The following AMBRA1 variants were observed in gnomAD, a reference collection of about 807,000 sequenced individuals.
AMBRA1 encodes autophagy and beclin 1 regulator 1.
AMBRA1 carries 47 observed loss-of-function variants against 125.4 expected under a neutral mutation model. The ratio of observed to expected loss-of-function variants is 0.37; its 90% CI spans 0.30 to 0.48. AMBRA1 has a LOEUF of 0.48. AMBRA1 is among the 20% of genes least tolerant of loss of function. The probability of loss-of-function intolerance (pLI) is 0.99; values close to 1 mark genes in which losing one functional copy is unlikely to be tolerated. For missense variants in AMBRA1, 1,331 were observed against 1,693.4 expected, an observed-to-expected ratio of 0.79 and a Z score of 3.76; for synonymous variants, 626 against 655.5, an observed-to-expected ratio of 0.95 and a Z score of 0.69.
At chr11:46,546,056 CAG>C (rs1394915623) in intron 4 of AMBRA1, 1 of 181,678 alleles carries the variant, frequency 5.5e-6, no homozygotes. Flanking sequence ...TTTTTTTTGA[CAG>C]GGGGTTTCAT....
chr11:46,570,116 G>A (rs180793305), intron 1 of AMBRA1, among the ~76,000 whole-genome samples: 93 of 152,002 alleles, frequency 6.1e-4, no homozygotes, highest in African/African-American at 2.1e-3. Context: ...TAAAAAAATA[G>A]CTGGGCATGG....
chr11:46,425,307 CATTTGTGTGTGT>C (rs1201431782), intron 14 of AMBRA1, among the ~76,000 whole-genome samples: 2,936 of 111,714 alleles, frequency 0.026, 106 homozygotes, highest in African/African-American at 0.096. Flanking sequence ...TTGCTTGATC[CATTTGTGTGTGT>C]GTGTGTGTGT....
intron 9 of AMBRA1, among the ~76,000 whole-genome samples, chr11:46,503,251 A>G (rs1434881329): frequency 6.6e-6 from 1 of 152,072 alleles, no homozygotes; most frequent in East Asian, 1.9e-4. Flanking sequence ...TACAGAGGTC[A>G]CTATAGGGAT....
At chr11:46,409,158 G>GA (rs1254137784) in intron 16 of AMBRA1, among the ~76,000 whole-genome samples, 1 of 151,850 alleles carries the variant, frequency 6.6e-6, no homozygotes, top group Non-Finnish European at 1.5e-5. Context: ...TTGAATTCTT[G>GA]AATTTGCAAG....
chr11:46,509,105 C>T (rs1332146615), intron 8 of AMBRA1, among the ~76,000 whole-genome samples: 2 of 152,202 alleles, frequency 1.3e-5, no homozygotes, highest in Non-Finnish European at 2.9e-5. Context: ...GCATCAGAGG[C>T]TGCGTGGGCA....
At chr11:46,500,312 G>A (rs1413329374) in intron 9 of AMBRA1, among the ~76,000 whole-genome samples, 2 of 152,112 alleles carry the variant, frequency 1.3e-5, no homozygotes, top group African/African-American at 4.8e-5. Flanking sequence ...AAAGTAAGAT[G>A]GCTGTGCTTT....
At chr11:46,534,516 G>A (rs1269824654) in intron 7 of AMBRA1, among the ~76,000 whole-genome samples, 1 of 152,068 alleles carries the variant, frequency 6.6e-6, no homozygotes, top group Non-Finnish European at 1.5e-5. Flanking sequence ...AAAATAAATA[G>A]CACCTGAAAT....
intron 1 of AMBRA1, among the ~76,000 whole-genome samples, chr11:46,578,882 C>CAAAAAAA (rs71042607): frequency 4.1e-5 from 1 of 24,454 alleles, no homozygotes; most frequent in African/African-American, 2.1e-4. Flanking sequence ...GACTCAGTCT[C>CAAAAAAA]AAAAAAAAAA....
chr11:46,417,705 C>T (rs1286681344), intron 15 of AMBRA1, among the ~76,000 whole-genome samples: 1 of 152,162 alleles, frequency 6.6e-6, no homozygotes, highest in Non-Finnish European at 1.5e-5. Flanking sequence ...AACATGATCA[C>T]TAAATCAGTC....
chr11:46,428,780 C>CT, intron 14 of AMBRA1: 1 of 1,611,314 alleles, frequency 6.2e-7, no homozygotes, highest in East Asian at 2.2e-5. Context: ...GTAGGTATCT[C>CT]TGTCAGCTTC....
intron 11 of AMBRA1, among the ~76,000 whole-genome samples, chr11:46,464,557 C>T (rs1949240567): frequency 6.6e-6 from 1 of 152,062 alleles, no homozygotes. Flanking sequence ...TAAAATTGTG[C>T]ATGTGTTCAT....
At chr11:46,506,700 T>C (rs1490729382) in intron 9 of AMBRA1, among the ~76,000 whole-genome samples, 1 of 152,130 alleles carries the variant, frequency 6.6e-6, no homozygotes, top group African/African-American at 2.4e-5. Flanking sequence ...ACCGCCCTTC[T>C]CTCTCTCTTG....
At chr11:46,581,751 G>A (rs1156609394) in intron 1 of AMBRA1, among the ~76,000 whole-genome samples, 1 of 136,868 alleles carries the variant, frequency 7.3e-6, no homozygotes, top group Non-Finnish European at 1.5e-5. Context: ...ACTGAGCCAA[G>A]ACCACACCAC....
intron 14 of AMBRA1, among the ~76,000 whole-genome samples, chr11:46,422,601 C>T (rs912261717): frequency 2.0e-5 from 3 of 151,918 alleles, no homozygotes; most frequent in Admixed American, 2.0e-4. Context: ...AGGAGGTCAG[C>T]GGGAAACCTT....
intron 11 of AMBRA1, among the ~76,000 whole-genome samples, chr11:46,444,072 A>G (rs925192992): frequency 6.6e-6 from 1 of 152,236 alleles, no homozygotes; most frequent in African/African-American, 2.4e-5. Context: ...TCTTCCTAAT[A>G]GGACATCTCA....
intron 1 of AMBRA1, among the ~76,000 whole-genome samples, chr11:46,549,294 G>A (rs1043193734): frequency 6.6e-6 from 1 of 152,176 alleles, no homozygotes; most frequent in Non-Finnish European, 1.5e-5. Flanking sequence ...CATATATACA[G>A]TGTTATCCAC....
intron 10 of AMBRA1, 141 bp downstream of exon 10, chr11:46,493,983 A>G: frequency 1.3e-6 from 1 of 781,000 alleles, no homozygotes; most frequent in Admixed American, 2.6e-5. Context: ...ATCCGTCAAG[A>G]GTTTAGACAG....
chr11:46,435,784 G>A (rs554260251), intron 12 of AMBRA1, among the ~76,000 whole-genome samples: 24 of 152,342 alleles, frequency 1.6e-4, no homozygotes, highest in Non-Finnish European at 3.1e-4. Context: ...TGGTAAGGTG[G>A]CAAGATCTGA....
At position 46,466,744 on chromosome 11, in the gene AMBRA1, T is replaced by C. The variant is rs182118317; in HGVS notation, c.2522-23146A>G. ...ATCAAAGTACTACCTACCCATAATT[T>C]TTAAAGTTAGAAAGTATTCAAGGCT... On this transcript the variant is annotated intron_variant, in intron 11 of 17. Transcript: ENST00000683756. 6.6e-5 allele frequency among the ~76,000 whole-genome samples: 10 copies of C among 152,254 alleles called. No homozygotes were observed. In the East Asian group the frequency reaches 1.5e-3, roughly 23 times the overall value.
Sources: gnomAD v4.1 joint callset for allele counts (sites outside exome capture counted in the v4.1 genomes callset) on GRCh38, gnomAD v4.1.1 for gene constraint, MANE v1.5 for transcripts, NCBI Gene and HGNC (gene_info 2026-07-23, HGNC 2026-07-21) for gene names.